EML4: variants seen among roughly 807,000 people sequenced by gnomAD.
EML4 encodes the protein EMAP like 4, also known as echinoderm microtubule-associated protein-like 4.
In EML4, 72 loss-of-function variants were observed where a neutral mutation model predicts 129.0. The observed-to-expected ratio is 0.56, with a 90% CI of 0.46 to 0.68. The LOEUF (loss-of-function observed/expected upper bound fraction) is 0.68. EML4 is among the 30% of genes least tolerant of loss of function. The pLI is 0.00. For synonymous variants in EML4, 532 were observed against 405.0 expected, an observed-to-expected ratio of 1.31 and a Z score of -3.77; for missense variants, 1,363 against 1,190.6, an observed-to-expected ratio of 1.14 and a Z score of -2.13.
Position 42,215,511 on chromosome 2 carries a change from AT to A in EML4, c.26-29986del, listed in dbSNP as rs1170805544. Among the ~76,000 whole-genome samples, 5 of 151,788 alleles carry A rather than the reference AT, an allele frequency of 3.3e-5. No individual in the cohort carries two copies. In the East Asian group the frequency reaches 5.8e-4, roughly 18 times the overall value. ...TTGAAGTGTGTTGGCCTCAGACTAG[AT>A]TTTTTTTCTGTTTTATTATAAAAAA... is the stretch of plus-strand genomic sequence containing the variant. On this transcript the variant is annotated intron_variant, in intron 1 of 22. Transcript: ENST00000318522.
chr2:42,284,616 C>T lies in EML4; in HGVS notation c.942-18C>T, dbSNP rs1417703633. 5 of 1,592,372 alleles carry T rather than the reference C, an allele frequency of 3.1e-6. No individual in the cohort carries two copies. The highest frequency in any genetic ancestry group is 4.3e-6 in the Non-Finnish European group (5 of 1,163,204). On this transcript the variant is annotated intron_variant, in intron 8 of 22. Transcript: ENST00000318522. The stretch of plus-strand genomic sequence containing the variant: ...CATGTTTCCTGTGTTTAAAATCATT[C>T]TTAATACTGCTTTTTAGCCTTGCTA...
chr2:42,278,148 T>A (rs1448966333), intron 6 of EML4, among the ~76,000 whole-genome samples: 1 of 152,210 alleles, frequency 6.6e-6, no homozygotes, highest in Non-Finnish European at 1.5e-5. Flanking sequence ...TGTCTCCCCT[T>A]TAGCTCCTTT....
In EML4 at chr2:42,329,850, A is replaced by G. The variant is rs1297577003; in HGVS notation, c.2589A>G (p.Lys863=). The change falls in exon 23 of 23, where the codon AAA becomes AAG. Residue 863 remains lysine, a synonymous_variant. Transcript: ENST00000318522. Reference sequence around the variant, plus strand: ...AAGACATGAGCATCATTCAGTGGAAACTTGTGGAAAAGTTATCTTTGCCTC... The same window carrying G: ...AAGACATGAGCATCATTCAGTGGAAGCTTGTGGAAAAGTTATCTTTGCCTC... The part of the protein sequence containing the change: ...GGKDMSIIQW[K]LVEKLSLPQN... 1.9e-6 allele frequency: 3 copies of G among 1,614,118 alleles called. No individual in the cohort carries two copies. The highest frequency in any genetic ancestry group is 1.1e-5 in the South Asian group (1 of 91,070).
At chr2:42,238,094 G>A (rs962307340) in intron 1 of EML4, among the ~76,000 whole-genome samples, 3 of 152,042 alleles carry the variant, frequency 2.0e-5, no homozygotes, top group Admixed American at 6.5e-5. Context: ...AATTACCTTC[G>A]GGACATGTAT....
At chr2:42,296,340 A>C (rs1383328574) in intron 13 of EML4, among the ~76,000 whole-genome samples, 3 of 151,572 alleles carry the variant, frequency 2.0e-5, no homozygotes, top group Non-Finnish European at 4.4e-5. Context: ...TAATTCACCA[A>C]AAAAAAAGTA....
At chr2:42,238,930 C>T (rs1465406733) in intron 1 of EML4, among the ~76,000 whole-genome samples, 2 of 151,958 alleles carry the variant, frequency 1.3e-5, no homozygotes. Flanking sequence ...TGTGCTGCCA[C>T]CCCCTGGCTA....
At chr2:42,307,827 G>T (rs1668695961) in intron 17 of EML4, among the ~76,000 whole-genome samples, 1 of 152,042 alleles carries the variant, frequency 6.6e-6, no homozygotes, top group Non-Finnish European at 1.5e-5. Flanking sequence ...GCTAATTTTT[G>T]TATTTCTAGT....
At chr2:42,321,633 C>G (rs1256244942) in intron 19 of EML4, among the ~76,000 whole-genome samples, 1 of 152,006 alleles carries the variant, frequency 6.6e-6, no homozygotes, top group Non-Finnish European at 1.5e-5. Context: ...TCCTGGAAGC[C>G]CCACACAATG....
chr2:42,257,213 T>C (rs1438533859), intron 3 of EML4, among the ~76,000 whole-genome samples: 1 of 152,134 alleles, frequency 6.6e-6, no homozygotes, highest in African/African-American at 2.4e-5. Context: ...ATTCTTTATG[T>C]TCTTTTCATC....
rs1425156891 is a variant in EML4 at position 42,244,167 on chromosome 2, C to T, written c.26-1338C>T. On this transcript the variant is annotated intron_variant, in intron 1 of 22. Coordinates refer to ENST00000318522, the MANE Select transcript of EML4 (RefSeq NM_019063.5). The stretch of plus-strand genomic sequence containing the variant: ...AGGCTGGAGTGCAGTGGCGTGATCT[C>T]GGCTCACTGCAACCTTTGCCTCCTG... Among the ~76,000 whole-genome samples the T allele has an allele frequency of 8.4e-5, 12 of 143,518 alleles. 1 individual carries two copies. In the East Asian group the frequency reaches 2.2e-3, roughly 26 times the overall value. The allele number at this position is 143,518 out of a possible 152,430, so 94.2% of individuals were successfully genotyped here. A position where few individuals can be genotyped will look rare whatever the true frequency, so the allele number is the denominator to read the frequency against.
At position 42,301,749 on chromosome 2, in the gene EML4, A is replaced by G. The variant is rs532393695; in HGVS notation, c.1641+357A>G. Among the ~76,000 whole-genome samples the G allele has an allele frequency of 4.5e-4, 69 of 152,174 alleles. 1 individual carries two copies. In the South Asian group the frequency reaches 0.014, roughly 31 times the overall value. Reference sequence around the variant, plus strand: ...ATTCTTTCCAGAGAAAATCTTCTGGAAAATCCTCTTAAAAAGAGGATCCTG... The same window carrying G: ...ATTCTTTCCAGAGAAAATCTTCTGGGAAATCCTCTTAAAAAGAGGATCCTG... On this transcript the variant is annotated intron_variant, in intron 14 of 22. Transcript: ENST00000318522.
At chr2:42,237,775 T>C (rs940712283) in intron 1 of EML4, among the ~76,000 whole-genome samples, 12 of 152,238 alleles carry the variant, frequency 7.9e-5, no homozygotes, top group Non-Finnish European at 1.8e-4. Context: ...TCATTTACTA[T>C]TCATTAAATC....
chr2:42,260,418 G>A lies in EML4; in HGVS notation c.339-703G>A, dbSNP rs562426315. Among the ~76,000 whole-genome samples the A allele has an allele frequency of 2.6e-5, 4 of 152,222 alleles. No individual in the cohort carries two copies. The East Asian group carries it at 5.8e-4, about 22-fold the overall frequency. ...CCTGACCTCAGGTGATACTTGCCTC[G>A]CCCTCCCAAAGTGCTTGGATTACAG... On this transcript the variant is annotated intron_variant, in intron 3 of 22. Coordinates refer to ENST00000318522, the MANE Select transcript of EML4 (RefSeq NM_019063.5).
chr2:42,277,627 G>A (rs1048522294), intron 6 of EML4, among the ~76,000 whole-genome samples: 2 of 148,568 alleles, frequency 1.3e-5, no homozygotes, highest in South Asian at 4.3e-4. Context: ...GGAGTGCAGT[G>A]GCGTGATCTC....
intron 19 of EML4, 198 bp from the exon 20 acceptor site, chr2:42,325,269 T>C (rs746782670): frequency 1.6e-6 from 1 of 620,812 alleles, no homozygotes; most frequent in South Asian, 1.4e-5. Flanking sequence ...GGTATCTAGA[T>C]AGGCCAGAAA....
rs1235050580 is a variant in EML4 at position 42,215,146 on chromosome 2, A to G, written c.26-30359A>G. Reference sequence around the variant, plus strand: ...GTGATTATGGCTCACCGCAGCTTCAACCTCTCAGTCTCAAGTGATCCTCAC... The same window carrying G: ...GTGATTATGGCTCACCGCAGCTTCAGCCTCTCAGTCTCAAGTGATCCTCAC... On this transcript the variant is annotated intron_variant, in intron 1 of 22. Coordinates refer to ENST00000318522, the MANE Select transcript of EML4 (RefSeq NM_019063.5). Among the ~76,000 whole-genome samples, 6 of 151,854 alleles carry G rather than the reference A, an allele frequency of 4.0e-5. No homozygotes were observed. The East Asian group carries it at 9.6e-4, about 24-fold the overall frequency.
chr2:42,225,926 G>A (rs1476214133), intron 1 of EML4, among the ~76,000 whole-genome samples: 2 of 152,108 alleles, frequency 1.3e-5, no homozygotes, highest in African/African-American at 4.8e-5. Context: ...TGGCAAATTA[G>A]TCACTCAATA....
At chr2:42,250,495 A>G (rs1461478052) in intron 2 of EML4, among the ~76,000 whole-genome samples, 1 of 152,154 alleles carries the variant, frequency 6.6e-6, no homozygotes, top group Non-Finnish European at 1.5e-5. Flanking sequence ...GTGGAAGGGG[A>G]TGATGGAGTG....
At position 42,329,006 on chromosome 2, in the gene EML4, C is replaced by G. The variant is rs200429739; in HGVS notation, c.2462C>G (p.Ser821Cys). Residue 821 changes from serine to cysteine, a missense_variant, in exon 22 of 23, where the codon TCC becomes TGC. Ser to Cys is a moderately radical substitution (Grantham distance 112). Coordinates refer to ENST00000318522, the MANE Select transcript of EML4 (RefSeq NM_019063.5). ...CKVHLFQYPC[S>C]KAKAPSHKYS... ...GTCCATCTGTTTCAGTATCCCTGCTCCAAAGCAAAGGTAAACTCACTTTAA... is the reference window on the plus strand; with the variant it reads ...GTCCATCTGTTTCAGTATCCCTGCTGCAAAGCAAAGGTAAACTCACTTTAA... 2.7e-5 allele frequency: 44 copies of G among 1,611,710 alleles called. No individual in the cohort carries two copies. Among genetic ancestry groups the G allele is most frequent in the Non-Finnish European group, 3.6e-5 (42 of 1,179,512 alleles).
Sources: gnomAD v4.1 joint callset for allele counts (sites outside exome capture counted in the v4.1 genomes callset) on GRCh38, gnomAD v4.1.1 for gene constraint, MANE v1.5 for transcripts, NCBI Gene and HGNC (gene_info 2026-07-23, HGNC 2026-07-21) for gene names.